The following KLHL20 variants were observed in gnomAD, a reference collection of about 807,000 sequenced individuals.
The protein encoded by KLHL20 is kelch-like protein 20.
A neutral mutation model predicts 69.5 loss-of-function variants in KLHL20; 29 were observed. The ratio of observed to expected loss-of-function variants is 0.42; its 90% CI spans 0.31 to 0.57. The LOEUF (loss-of-function observed/expected upper bound fraction) is 0.57. Ranked by LOEUF, KLHL20 falls within the 20% of genes least tolerant of loss-of-function variation. The pLI, the probability that KLHL20 is intolerant of heterozygous loss-of-function variation, is 0.18. For synonymous variants in KLHL20, 253 were observed against 265.2 expected (o/e 0.95, Z 0.45); for missense variants, 419 against 776.0 (o/e 0.54, Z 5.47).
chr1:173,770,006 C>T (rs998477966), intron 8 of KLHL20, among the ~76,000 whole-genome samples: 1 of 151,876 alleles, frequency 6.6e-6, no homozygotes, highest in African/African-American at 2.4e-5. Flanking sequence ...CTGTCACAAA[C>T]CACTCACTCC....
intron 3 of KLHL20, among the ~76,000 whole-genome samples, chr1:173,742,540 G>A (rs1672851454): frequency 6.6e-6 from 1 of 151,932 alleles, no homozygotes; most frequent in South Asian, 2.1e-4. Flanking sequence ...AGAGAGGATA[G>A]AAGAAAAGAG....
chr1:173,735,465 AG>A (rs1334684359), intron 3 of KLHL20, among the ~76,000 whole-genome samples: 6 of 151,944 alleles, frequency 3.9e-5, no homozygotes, highest in Admixed American at 3.9e-4. Flanking sequence ...AAAAAAAAAA[AG>A]AATTTGAGAT....
At chr1:173,761,499 C>T (rs1258257642) in intron 7 of KLHL20, among the ~76,000 whole-genome samples, 4 of 152,006 alleles carry the variant, frequency 2.6e-5, no homozygotes, top group African/African-American at 9.7e-5. Flanking sequence ...AAAATGAGCC[C>T]CAATAAACTT....
At chr1:173,741,984 T>A in intron 3 of KLHL20, 1 of 624,138 alleles carries the variant, frequency 1.6e-6, no homozygotes, top group Non-Finnish European at 2.7e-6. Context: ...ACATTTTGGA[T>A]AAAAAAAATT....
chr1:173,747,338 C>T (rs1227996706), intron 3 of KLHL20, among the ~76,000 whole-genome samples: 1 of 151,896 alleles, frequency 6.6e-6, no homozygotes, highest in East Asian at 1.9e-4. Context: ...ACTGTGTTGC[C>T]TTATGCATAA....
chr1:173,766,017 GTTA>G, intron 7 of KLHL20, 126 bp from the exon 8 acceptor site: 2 of 629,140 alleles, frequency 3.2e-6, no homozygotes, highest in Non-Finnish European at 4.9e-6. Flanking sequence ...AAATGTTTTG[GTTA>G]TTATTAATCA....
chr1:173,753,016 T>TA (rs1249240138), intron 4 of KLHL20, among the ~76,000 whole-genome samples, 197 bp from the exon 5 acceptor site: 2 of 151,436 alleles, frequency 1.3e-5, no homozygotes, highest in African/African-American at 4.9e-5. Flanking sequence ...AAAAAAAAAA[T>TA]ACAAAAATTT....
At chr1:173,750,018 T>C (rs2102495898) in intron 3 of KLHL20, among the ~76,000 whole-genome samples, 1 of 152,286 alleles carries the variant, frequency 6.6e-6, no homozygotes, top group African/African-American at 2.4e-5. Context: ...TAATTTATAG[T>C]ATAAGTATGT....
chr1:173,753,939 T>A (rs1363235227), intron 5 of KLHL20, among the ~76,000 whole-genome samples: 1 of 152,214 alleles, frequency 6.6e-6, no homozygotes, highest in African/African-American at 2.4e-5. Context: ...ATTGTAAGAT[T>A]TAGGTTCAAA....
At chr1:173,733,668 A>G (rs567332644) in intron 2 of KLHL20, 45 bp from the exon 3 acceptor site, 3 of 1,386,734 alleles carry the variant, frequency 2.2e-6, no homozygotes, top group Non-Finnish European at 2.0e-6. Flanking sequence ...AAAAGAGCTT[A>G]TAATAATACT....
At chr1:173,742,131 T>C (rs1427500286) in intron 3 of KLHL20, among the ~76,000 whole-genome samples, 1 of 152,160 alleles carries the variant, frequency 6.6e-6, no homozygotes, top group Non-Finnish European at 1.5e-5. Context: ...ATATGAAATA[T>C]GCTTGTTTAA....
chr1:173,738,798 T>C (rs1176063942), intron 3 of KLHL20, among the ~76,000 whole-genome samples: 1 of 152,246 alleles, frequency 6.6e-6, no homozygotes, highest in African/African-American at 2.4e-5. Context: ...ATCACAATTA[T>C]TGACTTGCAT....
chr1:173,728,125 C>G (rs545128905), intron 2 of KLHL20, among the ~76,000 whole-genome samples: 25 of 152,168 alleles, frequency 1.6e-4, no homozygotes, highest in Middle Eastern at 3.4e-3. Context: ...GACTTTAAAC[C>G]AACAAAGATC....
chr1:173,732,002 C>A (rs1672304497), intron 2 of KLHL20, among the ~76,000 whole-genome samples: 1 of 151,944 alleles, frequency 6.6e-6, no homozygotes, highest in Admixed American at 6.6e-5. Context: ...TCAAGACCAT[C>A]CTGGCTAACT....
rs1034080703 is a variant in KLHL20, at chr1:173,758,220, G to A, written c.1151+1061G>A. Reference sequence around the variant, plus strand: ...TGGGAGGTAAAGGTTGCCATGAGATGAGATTGCGCCATTGCACTCTAGTCT... The same window carrying A: ...TGGGAGGTAAAGGTTGCCATGAGATAAGATTGCGCCATTGCACTCTAGTCT... On this transcript the variant is annotated intron_variant, in intron 7 of 11. Transcript: ENST00000209884. Among the ~76,000 whole-genome samples, 101 of 151,906 alleles carry A rather than the reference G, an allele frequency of 6.6e-4. 1 individual carries two copies. The highest frequency in any genetic ancestry group is 2.2e-3 in the African/African-American group (90 of 41,412).
chr1:173,738,631 G>GT (rs1672649178), intron 3 of KLHL20, among the ~76,000 whole-genome samples: 1 of 152,166 alleles, frequency 6.6e-6, no homozygotes, highest in Non-Finnish European at 1.5e-5. Context: ...CTGCAGGTTT[G>GT]TCATAGATGG....
intron 2 of KLHL20, among the ~76,000 whole-genome samples, chr1:173,719,825 A>G (rs1671634766): frequency 6.6e-6 from 1 of 152,230 alleles, no homozygotes; most frequent in African/African-American, 2.4e-5. Context: ...AATTCTTCCA[A>G]CTTTCCTTAA....
intron 3 of KLHL20, among the ~76,000 whole-genome samples, chr1:173,747,048 A>C (rs1335395298): frequency 6.6e-6 from 1 of 151,754 alleles, no homozygotes; most frequent in East Asian, 1.9e-4. Flanking sequence ...TGCTAGTTTT[A>C]GTGCACTTTG....
intron 8 of KLHL20, among the ~76,000 whole-genome samples, chr1:173,768,117 T>C (rs1235022102): frequency 6.6e-6 from 1 of 152,184 alleles, no homozygotes; most frequent in East Asian, 1.9e-4. Context: ...CCCAGAGAAA[T>C]GATTACATAA....
Sources: allele counts gnomAD v4.1 joint callset (sites outside exome capture counted in the v4.1 genomes callset), GRCh38; gene constraint gnomAD v4.1.1; transcripts MANE v1.5; gene names NCBI Gene and HGNC (gene_info 2026-07-23, HGNC 2026-07-21).